The following NBPF14 variants were observed in gnomAD, a reference collection of about 807,000 sequenced individuals.
NBPF14 encodes the protein NBPF member 14, also known as NBPF family member NBPF14.
In NBPF14, 104 loss-of-function variants were observed where a neutral mutation model predicts 91.2. The ratio of observed to expected loss-of-function variants is 1.14; its 90% confidence interval spans 0.97 to 1.34. The LOEUF is 1.34. Among genes scored for constraint, NBPF14 ranks in the 40% most tolerant of loss-of-function variants. The pLI is 0.00. For missense variants in NBPF14, 908 were observed against 783.0 expected (o/e 1.16, Z -1.91); for synonymous variants, 294 against 303.8 (o/e 0.97, Z 0.34).
chr1:148,559,909 TC>T lies in NBPF14; in HGVS notation c.4612del (p.Asp1538IlefsTer13). 3 of 1,296,028 alleles carry T rather than the reference TC, an allele frequency of 2.3e-6. No individual in the cohort carries two copies. The Admixed American group carries it at 5.4e-5, about 23-fold the overall frequency. The allele number at this position is 1,296,028 out of a possible 1,614,324, so 80.3% of individuals were successfully genotyped here. On this transcript the variant is annotated frameshift_variant, in exon 37 of 71. Coordinates refer to ENST00000619423, the Ensembl canonical transcript of NBPF14. LOFTEE classifies it high-confidence loss of function. ...ACCTGAAGGAGTTGAATAACATCTA[TC>T]CAGTGAGTCCTGCAAGACTTCAGGC...
chr1:148,535,502 T>C, exon 68 of NBPF14: 8 of 427,402 alleles, frequency 1.9e-5, no homozygotes, highest in South Asian at 1.3e-4. Flanking sequence ...TACTTTTCAA[T>C]TTCTGCAATA....
At position 148,566,548 on chromosome 1, in the gene NBPF14, C is replaced by A. The variant is rs1224273831; in HGVS notation, c.3543-233G>T. ...ACACACACACACACACACAAACACA[C>A]ACACACACACAGAGAACGAGCTCAG... On this transcript the variant is annotated intron_variant, in intron 28 of 70. Transcript: ENST00000619423. Among the ~76,000 whole-genome samples, 8 of 143,826 alleles carry A rather than the reference C, an allele frequency of 5.6e-5. 1 individual carries two copies. The highest frequency in any genetic ancestry group is 2.2e-4 in the South Asian group (1 of 4,480). The allele number at this position is 143,826 out of a possible 152,430, so 94.4% of individuals were successfully genotyped here.
intron 68 of NBPF14, among the ~76,000 whole-genome samples, chr1:148,535,190 A>T (rs1170675651): frequency 2.0e-5 from 3 of 149,934 alleles, no homozygotes; most frequent in Non-Finnish European, 4.4e-5. Flanking sequence ...GGGGCTCAAT[A>T]ATTTTCCATA....
chr1:148,534,951 A>G lies in NBPF14; in HGVS notation c.8442-95T>C, dbSNP rs1308410685. 794 of 746,552 alleles carry G rather than the reference A, an allele frequency of 1.1e-3. 17 individuals carry two copies. Among genetic ancestry groups the G allele is most frequent in the Middle Eastern group, 8.6e-3 (24 of 2,794 alleles). 46.2% of individuals were successfully genotyped at this position (746,552 alleles called of 1,614,324 possible). On this transcript the variant is annotated intron_variant, in intron 68 of 70. Transcript: ENST00000619423. Reference sequence around the variant, plus strand: ...CATGGCTAACATAAGGAACAGTTTAAAAAGAAAAAGGACAGATCCATTAAT... The same window carrying G: ...CATGGCTAACATAAGGAACAGTTTAGAAAGAAAAAGGACAGATCCATTAAT...
intron 34 of NBPF14, among the ~76,000 whole-genome samples, chr1:148,561,789 AC>A (rs1657795251): frequency 8.0e-6 from 1 of 125,372 alleles, no homozygotes; most frequent in African/African-American, 4.1e-5. Context: ...ACACACACAC[AC>A]ACACACACAC....
In NBPF14 at chr1:148,534,742, G is replaced by C; in HGVS notation, c.8556C>G (p.Tyr2852Ter). Residue 2852 changes from tyrosine to a stop codon, truncating the protein, a stop_gained, in exon 69 of 71, where the codon TAC (tyrosine) becomes TAG (stop). Coordinates refer to ENST00000619423, the Ensembl canonical transcript of NBPF14. LOFTEE classifies it high-confidence loss of function. The stretch of plus-strand genomic sequence containing the variant: ...CCTCCAATGAGTAAACAGCACTGCT[G>C]TAGGGCTGGCCTAAGTCAGGCAGTT... 2.4e-6 allele frequency: 2 copies of C among 829,600 alleles called. No homozygotes were observed. The highest frequency in any genetic ancestry group is 4.2e-6 in the Non-Finnish European group (2 of 473,882). 51.4% of individuals were successfully genotyped at this position (829,600 alleles called of 1,614,324 possible). A position where few individuals can be genotyped will look rare whatever the true frequency, so the allele number is the denominator to read the frequency against.
chr1:148,587,424 C>G (rs1405878754), intron 7 of NBPF14, 21 bp from the exon 8 acceptor site: 9 of 1,563,348 alleles, frequency 5.8e-6, no homozygotes, highest in Non-Finnish European at 7.8e-6. Context: ...ACAGACACAC[C>G]TACCTCAGTG....
chr1:148,579,813 G>T (rs2149547151), intron 12 of NBPF14, among the ~76,000 whole-genome samples: 1 of 152,274 alleles, frequency 6.6e-6, no homozygotes, highest in South Asian at 2.1e-4. Context: ...TGAGGGTCTG[G>T]AGTGGACTTC....
intron 70 of NBPF14, among the ~76,000 whole-genome samples, chr1:148,533,505 C>A (rs587644515): frequency 6.6e-6 from 1 of 151,478 alleles, no homozygotes; most frequent in Non-Finnish European, 1.5e-5. Context: ...GGCCAGGTGA[C>A]ATACTGGTAA....
chr1:148,572,648 A>T (rs1659271923), intron 20 of NBPF14, 33 bp from the exon 21 acceptor site: 1 of 633,962 alleles, frequency 1.6e-6, no homozygotes, highest in African/African-American at 3.0e-5. Flanking sequence ...AGAATAAGCC[A>T]GGGGGAATCA....
chr1:148,577,557 C>T (rs1660084376), intron 14 of NBPF14, among the ~76,000 whole-genome samples: 1 of 150,530 alleles, frequency 6.6e-6, no homozygotes, highest in South Asian at 2.1e-4. Context: ...CACACACACA[C>T]ACACACACAC....
chr1:148,566,594 C>T (rs1404693924), intron 28 of NBPF14, among the ~76,000 whole-genome samples: 1 of 142,332 alleles, frequency 7.0e-6, no homozygotes, highest in African/African-American at 2.5e-5. Context: ...AGGTGACACA[C>T]TGATGAGGGA....
rs1358026509 is a variant in NBPF14, at chr1:148,587,449, C to A, written c.989-46G>T. 2.1e-4 allele frequency: 329 copies of A among 1,533,102 alleles called. 33 individuals are homozygous for A. The highest frequency in any genetic ancestry group is 2.7e-4 in the Non-Finnish European group (308 of 1,120,838). The allele number at this position is 1,533,102 out of a possible 1,614,324, so 95.0% of individuals were successfully genotyped here. On this transcript the variant is annotated intron_variant, in intron 7 of 70. Coordinates refer to ENST00000619423, the Ensembl canonical transcript of NBPF14. ...CTACCTCAGTGGAAGGCTGGACATG[C>A]TGCTGTGGTCATTGCCTACAGGACA...
intron 67 of NBPF14, among the ~76,000 whole-genome samples, 154 bp downstream of exon 67, chr1:148,536,070 A>C (rs1655156221): frequency 6.7e-6 from 1 of 149,636 alleles, no homozygotes; most frequent in South Asian, 2.1e-4. Flanking sequence ...TGGGCTTCCA[A>C]GTGGAACTAG....
chr1:148,575,968 C>A (rs1659624226), intron 16 of NBPF14, among the ~76,000 whole-genome samples, 157 bp from the exon 17 acceptor site: 1 of 135,732 alleles, frequency 7.4e-6, no homozygotes, highest in Non-Finnish European at 1.6e-5. Context: ...TGGGATAGAC[C>A]AGGGCCAGGT....
chr1:148,566,580 G>T (rs1470987227), intron 28 of NBPF14, among the ~76,000 whole-genome samples: 2 of 134,052 alleles, frequency 1.5e-5, no homozygotes, highest in East Asian at 2.4e-4. Flanking sequence ...TCAGTGAATT[G>T]TCCAGGTGAC....
At position 148,572,572 on chromosome 1, in the gene NBPF14, G is replaced by A; in HGVS notation, c.2629C>T (p.Gln877Ter). Residue 877 changes from glutamine to a stop codon, truncating the protein, a stop_gained, in exon 21 of 71, where the codon CAG becomes TAG. Coordinates refer to ENST00000619423, the Ensembl canonical transcript of NBPF14. LOFTEE classifies it high-confidence loss of function. Reference sequence around the variant, plus strand: ...GAATAACATCTATCCAGTGAGTCCTGCAAGACTTCAGGCTCTTTCTCATCC... The same window carrying A: ...GAATAACATCTATCCAGTGAGTCCTACAAGACTTCAGGCTCTTTCTCATCC... The A allele has an allele frequency of 9.2e-6, 6 of 650,628 alleles. 1 individual carries two copies. The highest frequency in any genetic ancestry group is 4.7e-5 in the South Asian group (3 of 63,628). 40.3% of individuals were successfully genotyped at this position (650,628 alleles called of 1,614,324 possible).
chr1:148,539,281 A>C, intron 63 of NBPF14, 129 bp downstream of exon 63: 1 of 635,442 alleles, frequency 1.6e-6, no homozygotes, highest in Admixed American at 2.0e-5. Context: ...TTTACAACCT[A>C]TATGCGCCCA....
At chr1:148,577,496 T>G (rs1660047268) in intron 14 of NBPF14, 141 bp from the exon 15 acceptor site, 3 of 707,190 alleles carry the variant, frequency 4.2e-6, no homozygotes, top group South Asian at 1.5e-5. Context: ...ATTATTGCCT[T>G]TATGTTGGGA....
Sources: gnomAD v4.1 joint callset for allele counts (sites outside exome capture counted in the v4.1 genomes callset) on GRCh38, gnomAD v4.1.1 for gene constraint, MANE v1.5 for transcripts, NCBI Gene and HGNC (gene_info 2026-07-23, HGNC 2026-07-21) for gene names.